The following TARBP1 variants were observed in gnomAD, a reference collection of about 807,000 sequenced individuals.
TARBP1 encodes the protein tRNA (guanosine(18)-2'-O)-methyltransferase TARBP1.
Under a neutral mutation model 178.6 loss-of-function variants are expected in TARBP1, and 144 were observed. The ratio of observed to expected loss-of-function variants is 0.81; its 90% confidence interval spans 0.70 to 0.93. The LOEUF (loss-of-function observed/expected upper bound fraction) is 0.93. Ranked by LOEUF, TARBP1 falls within the 40% of genes least tolerant of loss-of-function variation. The pLI is 0.00. For missense variants in TARBP1, 2,067 were observed against 2,011.7 expected, an observed-to-expected ratio of 1.03 and a Z score of -0.53; for synonymous variants, 787 against 781.0, an observed-to-expected ratio of 1.01 and a Z score of -0.13.
intron 13 of TARBP1, among the ~76,000 whole-genome samples, 162 bp downstream of exon 13, chr1:234,437,113 C>A (rs1665106046): frequency 6.6e-6 from 1 of 152,172 alleles, no homozygotes; most frequent in African/African-American, 2.4e-5. Flanking sequence ...GGAATTGGAA[C>A]TAGGAGACCC....
intron 9 of TARBP1, among the ~76,000 whole-genome samples, chr1:234,452,925 C>A (rs1666923544): frequency 6.6e-6 from 1 of 151,962 alleles, no homozygotes; most frequent in Non-Finnish European, 1.5e-5. Flanking sequence ...AGGAAGGAAC[C>A]TTAAGTGCAT....
At chr1:234,469,077 T>TAAAAAAAAAAA (rs1327979551) in intron 3 of TARBP1, among the ~76,000 whole-genome samples, 3,166 of 63,662 alleles carry the variant, frequency 0.05, 192 homozygotes, top group African/African-American at 0.12. Flanking sequence ...TTTTTTTTTT[T>TAAAAAAAAAAA]AAAAAAAAAA....
At chr1:234,424,300 A>ACCATG (rs1663461331) in intron 20 of TARBP1, among the ~76,000 whole-genome samples, 1 of 152,138 alleles carries the variant, frequency 6.6e-6, no homozygotes, top group Non-Finnish European at 1.5e-5. Context: ...ACCATGCTCA[A>ACCATG]CTCTACCCCT....
chr1:234,402,387 A>AT (rs151294402), intron 24 of TARBP1, among the ~76,000 whole-genome samples: 1,868 of 152,240 alleles, frequency 0.012, 43 homozygotes, highest in African/African-American at 0.043. Context: ...CTAATATACT[A>AT]TTTTTTGAGA....
chr1:234,457,593 G>T, intron 9 of TARBP1, 74 bp downstream of exon 9: 1 of 905,042 alleles, frequency 1.1e-6, no homozygotes, highest in Non-Finnish European at 1.7e-6. Flanking sequence ...TATATAAATG[G>T]CTACTAAGAA....
intron 22 of TARBP1, 37 bp downstream of exon 22, chr1:234,418,046 CT>C (rs1240735283): frequency 8.7e-7 from 1 of 1,151,054 alleles, no homozygotes; most frequent in East Asian, 3.0e-5. Context: ...AAAATCATGT[CT>C]TAGTTTAAAA....
chr1:234,410,584 T>C (rs913479459), intron 22 of TARBP1, 53 bp from the exon 23 acceptor site: 1 of 1,214,756 alleles, frequency 8.2e-7, no homozygotes, highest in Non-Finnish European at 1.2e-6. Flanking sequence ...CTGTGAAACA[T>C]GCACGTGAAA....
intron 6 of TARBP1, among the ~76,000 whole-genome samples, chr1:234,460,800 CAATG>C (rs759965036): frequency 8.3e-4 from 126 of 152,220 alleles, no homozygotes; most frequent in Non-Finnish European, 1.5e-3. Context: ...AAATGCCTAC[CAATG>C]AATGAATGAA....
At chr1:234,477,634 G>A (rs1669688977) in intron 1 of TARBP1, among the ~76,000 whole-genome samples, 1 of 152,180 alleles carries the variant, frequency 6.6e-6, no homozygotes, top group South Asian at 2.1e-4. Context: ...TTAAATCAAT[G>A]GCAAAAATAC....
rs1442205450 is a variant in TARBP1, at chr1:234,457,733, G to A, written c.1656C>T (p.Val552=). 3 of 1,609,340 alleles carry A rather than the reference G, an allele frequency of 1.9e-6. No homozygotes were observed. In the East Asian group the frequency reaches 6.7e-5, roughly 36 times the overall value. ...GTCTCAGAGACATGAGAAAAGTTGA[G>A]ACATCAGAAAGTGACACTTTCTCCT... ...LDVEKVSLSD[V]STFLMSLRQE... Residue 552 remains valine, a synonymous_variant, in exon 9 of 30, where the codon GTC becomes GTT. Coordinates refer to ENST00000040877, the MANE Select transcript of TARBP1 (RefSeq NM_005646.4).
In TARBP1 at chr1:234,393,660, G is replaced by A. The variant is rs200047728; in HGVS notation, c.4421C>T (p.Pro1474Leu). 7.0e-5 allele frequency: 113 copies of A among 1,607,102 alleles called. No homozygotes were observed. The highest frequency in any genetic ancestry group is 1.8e-4 in the East Asian group (8 of 44,752). The stretch of plus-strand genomic sequence containing the variant: ...TCCAACTTTACCTCCTAAATTGGTC[G>A]GTTTGTCGATGAGCGAGGCCACAAC... Reference protein sequence around the residue: ...LIVVASLIDKPTNLGGLCRTC... With the variant: ...LIVVASLIDKLTNLGGLCRTC... The change falls in exon 27 of 30, where the codon CCG becomes CTG. Residue 1474 changes from proline to leucine, a missense_variant. Physicochemically the swap from Pro to Leu is moderately conservative, Grantham distance 98 (BLOSUM62 -3). Transcript: ENST00000040877.
intron 6 of TARBP1, 148 bp downstream of exon 6, chr1:234,463,689 A>G: frequency 2.0e-6 from 1 of 487,990 alleles, no homozygotes; most frequent in Non-Finnish European, 3.6e-6. Flanking sequence ...GATACTGTAT[A>G]ATTCTGAGAA....
intron 3 of TARBP1, among the ~76,000 whole-genome samples, chr1:234,470,079 C>G (rs1668884749): frequency 6.6e-6 from 1 of 152,086 alleles, no homozygotes; most frequent in Non-Finnish European, 1.5e-5. Context: ...CCAGCCTGGC[C>G]AACGTGGCAA....
At position 234,410,375 on chromosome 1, in the gene TARBP1, T is replaced by C. The variant is rs147984772; in HGVS notation, c.3792+70A>G. 1,206 of 953,732 alleles carry C rather than the reference T, an allele frequency of 1.3e-3. 25 individuals are homozygous for C. The East Asian group carries it at 0.027, about 21-fold the overall frequency. The allele number at this position is 953,732 out of a possible 1,614,324, so 59.1% of individuals were successfully genotyped here. On this transcript the variant is annotated intron_variant, in intron 23 of 29. Transcript: ENST00000040877. ...AACATTCACAGGAATGCTCTACATA[T>C]AAAAAATTGGTACAAATACATACAA...
chr1:234,421,381 G>A (rs867302626), intron 20 of TARBP1, among the ~76,000 whole-genome samples: 6 of 152,266 alleles, frequency 3.9e-5, no homozygotes, highest in East Asian at 1.9e-4. Flanking sequence ...GAGCCATGGC[G>A]CCTGGCTAAG....
At chr1:234,415,934 AT>A (rs1662369118) in intron 22 of TARBP1, among the ~76,000 whole-genome samples, 1 of 152,206 alleles carries the variant, frequency 6.6e-6, no homozygotes, top group African/African-American at 2.4e-5. Context: ...TTTGAATCCC[AT>A]TTTGATTCCA....
rs773817500 is a variant in TARBP1 at position 234,392,597 on chromosome 1, C to G, written c.4561-45G>C. ...GAACAGAATATTCATTCAGTTATAG[C>G]CCTGCTTGGAGTAAATTAGAGTTAA... On this transcript the variant is annotated intron_variant, in intron 28 of 29. Coordinates refer to ENST00000040877, the MANE Select transcript of TARBP1 (RefSeq NM_005646.4). The G allele has an allele frequency of 7.6e-6, 12 of 1,577,916 alleles. No homozygotes were observed. The African/African-American group carries it at 1.6e-4, about 21-fold the overall frequency.
At chr1:234,427,506 A>C (rs1663910910) in intron 18 of TARBP1, 70 bp downstream of exon 18, 2 of 1,477,294 alleles carry the variant, frequency 1.4e-6, no homozygotes, top group Non-Finnish European at 1.8e-6. Flanking sequence ...CTCAAAACAA[A>C]GACATAATTC....
rs1460787662 is a variant in TARBP1 at position 234,447,205 on chromosome 1, GC to G, written c.1962-231del. 9.2e-5 allele frequency among the ~76,000 whole-genome samples: 14 copies of G among 152,168 alleles called. No homozygotes were observed. The East Asian group carries it at 2.7e-3, about 29-fold the overall frequency. ...ACAGGGAAGAACCACTGTCTTCAATGCCAGGCACCAGCAGGAAGGAAATCCT... is the reference window on the plus strand; with the variant it reads ...ACAGGGAAGAACCACTGTCTTCAATGCAGGCACCAGCAGGAAGGAAATCCT... On this transcript the variant is annotated intron_variant, in intron 11 of 29. Coordinates refer to ENST00000040877, the MANE Select transcript of TARBP1 (RefSeq NM_005646.4).
Sources: gnomAD v4.1 joint callset for allele counts (sites outside exome capture counted in the v4.1 genomes callset) on GRCh38, gnomAD v4.1.1 for gene constraint, MANE v1.5 for transcripts, NCBI Gene and HGNC (gene_info 2026-07-23, HGNC 2026-07-21) for gene names.